The following ACER1 variants were observed in gnomAD, a reference collection of about 807,000 sequenced individuals.
ACER1 encodes CTB-180A7.3.
ACER1 carries 28 observed loss-of-function variants against 24.9 expected under a neutral mutation model. The observed-to-expected ratio is 1.13, with a 90% CI of 0.83 to 1.54. The LOEUF is 1.54. Among genes scored for constraint, ACER1 ranks in the 40% most tolerant of loss-of-function variants. ACER1 has a pLI of 0.00. For missense variants in ACER1, 352 were observed against 349.3 expected (o/e 1.01, Z -0.06); for synonymous variants, 132 against 131.4 (o/e 1.00, Z -0.03).
intron 1 of ACER1, among the ~76,000 whole-genome samples, chr19:6,318,232 G>A (rs930490156): frequency 6.7e-6 from 1 of 149,732 alleles, no homozygotes; most frequent in South Asian, 2.2e-4. Context: ...CACTTTGGGA[G>A]GCCGAGGTGG....
intron 4 of ACER1, among the ~76,000 whole-genome samples, chr19:6,308,462 A>G (rs2144994731): frequency 6.6e-6 from 1 of 151,376 alleles, no homozygotes; most frequent in African/African-American, 2.4e-5. Context: ...AAAAGATATT[A>G]ACTCAGTCCT....
chr19:6,333,339 GAA>G (rs1357856971), intron 1 of ACER1, 118 bp downstream of exon 1: 7 of 761,382 alleles, frequency 9.2e-6, no homozygotes. Context: ...TAACAGATGA[GAA>G]AACTAGGGCT....
chr19:6,358,902 C>T, the ACER1 span, among the ~76,000 whole-genome samples: 1 of 137,940 alleles, frequency 7.2e-6, no homozygotes. Flanking sequence ...CATTGCACTC[C>T]AGCCTGGGCA....
the ACER1 span, among the ~76,000 whole-genome samples, chr19:6,357,446 G>T: frequency 1.3e-5 from 2 of 151,498 alleles, no homozygotes; most frequent in Admixed American, 1.3e-4. Flanking sequence ...GATAAGGGGG[G>T]TCAGCAGGGG....
At chr19:6,351,193 C>G in the ACER1 span, among the ~76,000 whole-genome samples, 1,291 of 151,482 alleles carry the variant, frequency 8.5e-3, 18 homozygotes, top group African/African-American at 0.03. Context: ...GATGAAGCCC[C>G]GTCTCTACTA....
At chr19:6,342,938 C>T in the ACER1 span, among the ~76,000 whole-genome samples, 9 of 151,888 alleles carry the variant, frequency 5.9e-5, no homozygotes, top group South Asian at 2.1e-4. Flanking sequence ...CCACTGTGCC[C>T]GGCTAATTTT....
the ACER1 span, among the ~76,000 whole-genome samples, chr19:6,358,932 T>TAAAAAAAAA: frequency 1.4e-5 from 1 of 72,914 alleles, no homozygotes; most frequent in South Asian, 5.7e-4. Flanking sequence ...AAACTCTGTC[T>TAAAAAAAAA]CAAAAAAAAA....
chr19:6,345,614 G>A, the ACER1 span, among the ~76,000 whole-genome samples: 1 of 150,222 alleles, frequency 6.7e-6, no homozygotes, highest in Non-Finnish European at 1.5e-5. Context: ...ACCCAGGCTG[G>A]AGTGCAGTGG....
the ACER1 span, among the ~76,000 whole-genome samples, chr19:6,347,109 A>AAAAATATATATATATAT: frequency 1.2e-4 from 14 of 113,770 alleles, no homozygotes; most frequent in East Asian, 5.2e-4. Flanking sequence ...AAAAAAAAAA[A>AAAAATATATATATATAT]ATATATATAT....
chr19:6,319,328 C>T (rs990860595), intron 1 of ACER1, among the ~76,000 whole-genome samples: 3 of 151,974 alleles, frequency 2.0e-5, no homozygotes, highest in African/African-American at 7.2e-5. Flanking sequence ...CCCTGCCTTC[C>T]GGGGCTCAGC....
the ACER1 span, among the ~76,000 whole-genome samples, chr19:6,351,323 G>A: frequency 1.9e-3 from 293 of 151,918 alleles, 1 homozygote; most frequent in African/African-American, 6.7e-3. Flanking sequence ...CCGAGATTGC[G>A]CCATTGCATT....
chr19:6,342,950 TA>T, the ACER1 span, among the ~76,000 whole-genome samples: 1 of 151,900 alleles, frequency 6.6e-6, no homozygotes, highest in Non-Finnish European at 1.5e-5. Context: ...GCTAATTTTG[TA>T]TCTTTAGTAG....
At chr19:6,317,722 GTTGTT>G (rs1214954932) in intron 1 of ACER1, among the ~76,000 whole-genome samples, 1 of 151,772 alleles carries the variant, frequency 6.6e-6, no homozygotes. Flanking sequence ...TTTTTTTGTT[GTTGTT>G]TTGTTTTTTG....
At chr19:6,333,264 A>C (rs1156966948) in intron 1 of ACER1, among the ~76,000 whole-genome samples, 195 bp downstream of exon 1, 2 of 152,094 alleles carry the variant, frequency 1.3e-5, no homozygotes, top group African/African-American at 4.8e-5. Context: ...GTGTCTCCAA[A>C]ACCTACCACA....
intron 3 of ACER1, among the ~76,000 whole-genome samples, chr19:6,311,764 G>A (rs1192902241): frequency 6.6e-6 from 1 of 152,002 alleles, no homozygotes; most frequent in Non-Finnish European, 1.5e-5. Context: ...ATCAAGAGAG[G>A]GACCCAGGGG....
the ACER1 span, among the ~76,000 whole-genome samples, chr19:6,350,411 A>G: frequency 6.6e-6 from 1 of 152,074 alleles, no homozygotes; most frequent in Non-Finnish European, 1.5e-5. Context: ...TAATAATAAA[A>G]TTAAAAAAAA....
At chr19:6,307,331 C>A (rs369764190) in intron 4 of ACER1, 41 bp from the exon 5 acceptor site, 1 of 1,608,966 alleles carries the variant, frequency 6.2e-7, no homozygotes, top group Non-Finnish European at 8.5e-7. Context: ...GCTCGGAGAG[C>A]AGCACCTGAT....
At chr19:6,329,227 A>G (rs2091675989) in intron 1 of ACER1, among the ~76,000 whole-genome samples, 1 of 151,874 alleles carries the variant, frequency 6.6e-6, no homozygotes, top group Non-Finnish European at 1.5e-5. Flanking sequence ...TTTGAACTGT[A>G]TGATTTATTA....
intron 4 of ACER1, among the ~76,000 whole-genome samples, chr19:6,307,684 G>A (rs541025921): frequency 2.6e-5 from 4 of 152,016 alleles, no homozygotes; most frequent in Non-Finnish European, 2.9e-5. Context: ...CCGGTTACTC[G>A]GGAGGCTGAG....
Sources: gnomAD v4.1 joint callset for allele counts (sites outside exome capture counted in the v4.1 genomes callset) on GRCh38, gnomAD v4.1.1 for gene constraint, MANE v1.5 for transcripts, NCBI Gene and HGNC (gene_info 2026-07-23, HGNC 2026-07-21) for gene names.